The following VSTM2L variants were observed in gnomAD, a reference collection of about 807,000 sequenced individuals.
The protein encoded by VSTM2L is V-set and transmembrane domain containing 2 like.
Under a neutral mutation model 19.9 loss-of-function variants are expected in VSTM2L, and 9 were observed. The observed-to-expected ratio is 0.45, with a 90% CI of 0.27 to 0.79. The LOEUF is 0.79. Ranked by LOEUF, VSTM2L falls within the 30% of genes least tolerant of loss-of-function variation. The pLI, the probability that VSTM2L is intolerant of heterozygous loss-of-function variation, is 0.15. For synonymous variants in VSTM2L, 127 were observed against 133.8 expected, an observed-to-expected ratio of 0.95 and a Z score of 0.35; for missense variants, 286 against 295.5, an observed-to-expected ratio of 0.97 and a Z score of 0.24.
intron 1 of VSTM2L, among the ~76,000 whole-genome samples, chr20:37,929,755 G>A (rs1187611160): frequency 6.6e-6 from 1 of 152,062 alleles, no homozygotes; most frequent in South Asian, 2.1e-4. Context: ...GGAGGTGTCG[G>A]GAGGCAGGAC....
At chr20:37,931,828 A>C (rs780705391) in intron 2 of VSTM2L, 24 bp downstream of exon 2, 6 of 1,606,760 alleles carry the variant, frequency 3.7e-6, no homozygotes, top group Non-Finnish European at 5.1e-6. Context: ...GGAGATGCCC[A>C]AGCTGGGCTG....
At chr20:37,920,824 AT>A (rs1309463157) in intron 1 of VSTM2L, among the ~76,000 whole-genome samples, 4 of 152,182 alleles carry the variant, frequency 2.6e-5, no homozygotes, top group African/African-American at 9.7e-5. Flanking sequence ...TGAATGAATG[AT>A]TTCTATGCCT....
intron 1 of VSTM2L, among the ~76,000 whole-genome samples, chr20:37,918,436 C>T (rs904799610): frequency 6.6e-6 from 1 of 152,194 alleles, no homozygotes; most frequent in South Asian, 2.1e-4. Context: ...GAGAAAAAAA[C>T]GGAGATTGAG....
At chr20:37,925,135 C>G (rs143541700) in intron 1 of VSTM2L, among the ~76,000 whole-genome samples, 2 of 151,780 alleles carry the variant, frequency 1.3e-5, no homozygotes, top group Admixed American at 1.3e-4. Flanking sequence ...TTTTTTTAAA[C>G]GAAGCTTTCT....
chr20:37,912,031 C>T (rs2072782612), intron 1 of VSTM2L, among the ~76,000 whole-genome samples: 1 of 152,218 alleles, frequency 6.6e-6, no homozygotes, highest in South Asian at 2.1e-4. Context: ...TCATCAAGAA[C>T]TCTGTGTTTT....
intron 3 of VSTM2L, among the ~76,000 whole-genome samples, chr20:37,937,748 C>T (rs73296446): frequency 0.027 from 4,126 of 152,254 alleles, 48 homozygotes; most frequent in Middle Eastern, 0.092. Context: ...GGGTGTTAAT[C>T]CAATAATCAT....
intron 1 of VSTM2L, among the ~76,000 whole-genome samples, chr20:37,914,646 C>T (rs1028830112): frequency 3.3e-5 from 5 of 152,040 alleles, no homozygotes; most frequent in Non-Finnish European, 1.5e-5. Context: ...CCCTGTGCTC[C>T]ACGGACCCCT....
intron 1 of VSTM2L, among the ~76,000 whole-genome samples, chr20:37,930,427 G>A (rs1015148852): frequency 2.0e-5 from 3 of 151,772 alleles, no homozygotes; most frequent in African/African-American, 7.3e-5. Context: ...GACCCTGTTA[G>A]GTTGCAGCAG....
At chr20:37,931,524 C>CA in intron 1 of VSTM2L, 111 bp from the exon 2 acceptor site, 1 of 1,211,748 alleles carries the variant, frequency 8.3e-7, no homozygotes, top group Non-Finnish European at 1.2e-6. Flanking sequence ...CCACCCCCTC[C>CA]ACCCATCCCC....
Position 37,944,597 on chromosome 20 carries a change from TC to T in VSTM2L, c.*349del. On this transcript the variant is annotated 3_prime_UTR_variant, in exon 4 of 4. Transcript: ENST00000373461. ...TCCAGTGTTTTGCTTTGCTTGCTTG[TC>T]CCCCATCCTGTCCTGAGCCGGGGCC... 9.3e-7 allele frequency: 1 copy of T among 1,077,970 alleles called. No individual in the cohort carries two copies. The highest frequency in any genetic ancestry group is 1.1e-6 in the Non-Finnish European group (1 of 890,708). The allele number at this position is 1,077,970 out of a possible 1,614,324, so 66.8% of individuals were successfully genotyped here. A position where few individuals can be genotyped will look rare whatever the true frequency, so the allele number is the denominator to read the frequency against.
intron 1 of VSTM2L, among the ~76,000 whole-genome samples, chr20:37,923,758 G>C (rs553727669): frequency 6.6e-6 from 1 of 152,212 alleles, no homozygotes; most frequent in African/African-American, 2.4e-5. Context: ...TATGGGTAGG[G>C]GGCCGGGTTA....
intron 1 of VSTM2L, among the ~76,000 whole-genome samples, chr20:37,915,547 A>G (rs1461554870): frequency 6.6e-6 from 1 of 151,980 alleles, no homozygotes; most frequent in South Asian, 2.1e-4. Context: ...TGCCTGCGTG[A>G]TGTCACTGCA....
chr20:37,930,429 T>C (rs1251065190), intron 1 of VSTM2L, among the ~76,000 whole-genome samples: 1 of 151,446 alleles, frequency 6.6e-6, no homozygotes, highest in Non-Finnish European at 1.5e-5. Context: ...CCCTGTTAGG[T>C]TGCAGCAGCC....
At chr20:37,917,559 A>G (rs188932905) in intron 1 of VSTM2L, among the ~76,000 whole-genome samples, 31 of 152,350 alleles carry the variant, frequency 2.0e-4, no homozygotes, top group African/African-American at 7.0e-4. Flanking sequence ...TAAGCCTGTA[A>G]TCAATGACAC....
rs193212041 is a variant in VSTM2L, at chr20:37,903,734, C to T, written c.121+263C>T. Reference sequence around the variant, plus strand: ...CCACACCGATATGCACAGCCGCGGACACACTCAGAGCCACAGTCGCTGCTT... The same window carrying T: ...CCACACCGATATGCACAGCCGCGGATACACTCAGAGCCACAGTCGCTGCTT... On this transcript the variant is annotated intron_variant, in intron 1 of 3. Coordinates refer to ENST00000373461, the MANE Select transcript of VSTM2L (RefSeq NM_080607.3). Among the ~76,000 whole-genome samples, 120 of 152,332 alleles carry T rather than the reference C, an allele frequency of 7.9e-4. No homozygotes were observed. The Middle Eastern group carries it at 0.01, about 13-fold the overall frequency.
chr20:37,920,682 C>T (rs1189593495), intron 1 of VSTM2L, among the ~76,000 whole-genome samples: 1 of 152,206 alleles, frequency 6.6e-6, no homozygotes, highest in East Asian at 1.9e-4. Flanking sequence ...GACCTCCCTG[C>T]TTATGCATGT....
intron 1 of VSTM2L, among the ~76,000 whole-genome samples, chr20:37,921,705 G>T (rs1313128213): frequency 6.6e-6 from 1 of 152,060 alleles, no homozygotes; most frequent in African/African-American, 2.4e-5. Flanking sequence ...AGAGGGTGGG[G>T]GAGAAGGGAG....
chr20:37,942,053 A>AT, intron 3 of VSTM2L, among the ~76,000 whole-genome samples: 1 of 152,240 alleles, frequency 6.6e-6, no homozygotes, highest in South Asian at 2.1e-4. Flanking sequence ...AAAAACACCC[A>AT]CAGCAACTTT....
chr20:37,944,061 G>A lies in VSTM2L; in HGVS notation c.423G>A (p.Glu141=). ...AGCCCACGGACGAAGGCACCTACGA[G>A]TGCCGCGTCATCGACTTCAGCGACG... ...RVKPTDEGTY[E]CRVIDFSDGK... is the part of the protein sequence containing the mutation. Residue 141 remains glutamate, a synonymous_variant, in exon 4 of 4, where the codon GAG becomes GAA. Transcript: ENST00000373461. 2 of 1,612,656 alleles carry A rather than the reference G, an allele frequency of 1.2e-6. No individual in the cohort carries two copies. The highest frequency in any genetic ancestry group is 8.5e-7 in the Non-Finnish European group (1 of 1,179,102).
Sources: allele counts gnomAD v4.1 joint callset (sites outside exome capture counted in the v4.1 genomes callset), GRCh38; gene constraint gnomAD v4.1.1; transcripts MANE v1.5; gene names NCBI Gene and HGNC (gene_info 2026-07-23, HGNC 2026-07-21).